The following TMOD2 variants were observed in gnomAD, a reference collection of about 807,000 sequenced individuals.
The protein encoded by TMOD2 is tropomodulin-2.
TMOD2 carries 22 observed loss-of-function variants against 39.9 expected under a neutral mutation model. The observed-to-expected ratio is 0.55, with a 90% CI of 0.39 to 0.79. The LOEUF is 0.79. Among genes scored for constraint, TMOD2 ranks in the 30% least tolerant of loss-of-function variants. TMOD2 has a pLI of 0.00. For synonymous variants in TMOD2, 123 were observed against 146.1 expected (o/e 0.84, Z 1.14); for missense variants, 386 against 413.3 (o/e 0.93, Z 0.57).
chr15:51,770,336 T>C (rs1038224446), intron 3 of TMOD2, among the ~76,000 whole-genome samples: 5 of 152,240 alleles, frequency 3.3e-5, no homozygotes, highest in Non-Finnish European at 7.3e-5. Flanking sequence ...CTCTCTATCA[T>C]GACAGCTGCT....
intron 7 of TMOD2, chr15:51,784,525 A>G (rs1296293050): frequency 6.6e-6 from 1 of 152,264 alleles, no homozygotes; most frequent in East Asian, 1.9e-4. Flanking sequence ...TTCTATGGTG[A>G]TCACAGCAAA....
chr15:51,801,672 G>A (rs2056091376), intron 8 of TMOD2, among the ~76,000 whole-genome samples: 2 of 152,168 alleles, frequency 1.3e-5, no homozygotes, highest in Non-Finnish European at 2.9e-5. Context: ...AATCGGTGAT[G>A]CATATTAAAG....
rs1000275075 is a variant in TMOD2, at chr15:51,811,117, T to A, written c.*2663T>A. Reference sequence around the variant, plus strand: ...GCTTGAAAGGTGGCATTTCCATGAGTGTGCACATATTGATGATAACCCTTA... The same window carrying A: ...GCTTGAAAGGTGGCATTTCCATGAGAGTGCACATATTGATGATAACCCTTA... On this transcript the variant is annotated 3_prime_UTR_variant, in exon 10 of 10. Transcript: ENST00000249700. The A allele has an allele frequency of 2.0e-5, 3 of 152,102 alleles. No individual in the cohort carries two copies. The highest frequency in any genetic ancestry group is 1.9e-4 in the East Asian group (1 of 5,192). 9.4% of individuals were successfully genotyped at this position (152,102 alleles called of 1,614,324 possible). A position where few individuals can be genotyped will look rare whatever the true frequency, so the allele number is the denominator to read the frequency against.
chr15:51,754,935 G>T (rs2055732055), intron 1 of TMOD2, among the ~76,000 whole-genome samples: 1 of 152,186 alleles, frequency 6.6e-6, no homozygotes, highest in Admixed American at 6.5e-5. Context: ...ATGCATTTTT[G>T]AGTGAAAGGT....
chr15:51,801,217 CCT>C (rs71127202), intron 8 of TMOD2, among the ~76,000 whole-genome samples: 9,733 of 119,032 alleles, frequency 0.082, 505 homozygotes, highest in Non-Finnish European at 0.11. Context: ...ATTCTCTCTC[CCT>C]CTCTCTCTCT....
chr15:51,762,400 A>C (rs2055787637), intron 1 of TMOD2, among the ~76,000 whole-genome samples: 1 of 152,180 alleles, frequency 6.6e-6, no homozygotes, highest in South Asian at 2.1e-4. Context: ...TCAAGGCTGC[A>C]GTGAGTTGTA....
chr15:51,776,849 T>G, intron 4 of TMOD2, 83 bp from the exon 5 acceptor site: 1 of 1,116,994 alleles, frequency 9.0e-7, no homozygotes, highest in Non-Finnish European at 1.4e-6. Context: ...ATGTAAAGAA[T>G]TGTTCTTCAA....
intron 1 of TMOD2, among the ~76,000 whole-genome samples, chr15:51,753,285 C>G (rs1213467521): frequency 6.6e-6 from 1 of 152,166 alleles, no homozygotes; most frequent in African/African-American, 2.4e-5. Context: ...TTCAAAGTAT[C>G]TCACCACAGT....
intron 7 of TMOD2, among the ~76,000 whole-genome samples, chr15:51,796,982 C>CTG (rs1338002467): frequency 4.6e-5 from 7 of 152,168 alleles, no homozygotes; most frequent in African/African-American, 1.7e-4. Flanking sequence ...CACGGAGATG[C>CTG]TGGACAAACA....
At chr15:51,771,366 G>A (rs1236634737) in intron 3 of TMOD2, among the ~76,000 whole-genome samples, 1 of 152,228 alleles carries the variant, frequency 6.6e-6, no homozygotes, top group Non-Finnish European at 1.5e-5. Context: ...GCACACCTCA[G>A]GTTCCTGGGC....
At chr15:51,771,998 T>C (rs987165145) in intron 3 of TMOD2, among the ~76,000 whole-genome samples, 2 of 152,180 alleles carry the variant, frequency 1.3e-5, no homozygotes, top group African/African-American at 4.8e-5. Flanking sequence ...TTTCCTGTGT[T>C]TGGAGTGCCC....
intron 7 of TMOD2, among the ~76,000 whole-genome samples, chr15:51,796,365 T>C (rs2141637862): frequency 6.6e-6 from 1 of 152,130 alleles, no homozygotes; most frequent in East Asian, 1.9e-4. Flanking sequence ...AATGTATGAG[T>C]GAGAGCTTTT....
chr15:51,793,674 G>A (rs903716833), intron 7 of TMOD2, among the ~76,000 whole-genome samples: 8 of 152,222 alleles, frequency 5.3e-5, no homozygotes, highest in African/African-American at 1.9e-4. Flanking sequence ...TGGGCCTACA[G>A]CCCAGTATTG....
chr15:51,802,949 A>G (rs1487248184), intron 8 of TMOD2, among the ~76,000 whole-genome samples: 4 of 152,206 alleles, frequency 2.6e-5, no homozygotes, highest in African/African-American at 9.6e-5. Flanking sequence ...GAGTTCCTCC[A>G]TAAACTTTTC....
intron 1 of TMOD2, among the ~76,000 whole-genome samples, chr15:51,765,616 T>C (rs2055811211): frequency 6.6e-6 from 1 of 152,128 alleles, no homozygotes; most frequent in African/African-American, 2.4e-5. Flanking sequence ...GAGAAAGGGA[T>C]TGAGTAAAAA....
At position 51,781,058 on chromosome 15, in the gene TMOD2, G is replaced by A. The variant is rs772794131; in HGVS notation, c.508G>A (p.Glu170Lys). The change falls in exon 6 of 10, where the codon GAA (glutamate) becomes AAA (lysine). Residue 170 changes from glutamate (E) to lysine (K), a missense_variant. Coordinates refer to ENST00000249700, the MANE Select transcript of TMOD2 (RefSeq NM_014548.4). ...KGPVRNVVKGEKVKPVFEEPP... is the reference protein window; with the variant it reads ...KGPVRNVVKGKKVKPVFEEPP... The stretch of plus-strand genomic sequence containing the variant: ...TTGTGTTTTAGATGTTGTCAAAGGT[G>A]AAAAAGTAAAGCCAGTATTTGAGGA... 1.7e-5 allele frequency: 28 copies of A among 1,602,272 alleles called. No homozygotes were observed. The highest frequency in any genetic ancestry group is 2.3e-5 in the Non-Finnish European group (27 of 1,176,674).
intron 7 of TMOD2, among the ~76,000 whole-genome samples, chr15:51,795,709 CATA>C (rs981948161): frequency 4.0e-5 from 6 of 150,576 alleles, no homozygotes; most frequent in Non-Finnish European, 8.9e-5. Flanking sequence ...AAGGTTTTCT[CATA>C]ATTTCTATCT....
chr15:51,792,555 A>C (rs1367973756), intron 7 of TMOD2, among the ~76,000 whole-genome samples: 2 of 152,238 alleles, frequency 1.3e-5, no homozygotes, highest in East Asian at 3.8e-4. Flanking sequence ...CTATAAAGAC[A>C]CATGCACACA....
At chr15:51,805,263 G>A (rs762728777) in intron 8 of TMOD2, among the ~76,000 whole-genome samples, 5 of 150,778 alleles carry the variant, frequency 3.3e-5, no homozygotes, top group Non-Finnish European at 5.9e-5. Context: ...CCCGGCCTCC[G>A]TCTTAAAAAA....
Sources: allele counts gnomAD v4.1 joint callset (sites outside exome capture counted in the v4.1 genomes callset), GRCh38; gene constraint gnomAD v4.1.1; transcripts MANE v1.5; gene names NCBI Gene and HGNC (gene_info 2026-07-23, HGNC 2026-07-21).